Variants in LARGE1 observed in about 807,000 individuals in gnomAD.
LARGE1 encodes LARGE xylosyl- and glucuronyltransferase 1, also known as xylosyl- and glucuronyltransferase LARGE1.
LARGE1 carries 43 observed loss-of-function variants against 87.6 expected under a neutral mutation model. That is an observed-to-expected ratio of 0.49 (90% CI 0.38 to 0.63). The LOEUF is 0.63. Among genes scored for constraint, LARGE1 ranks in the 30% least tolerant of loss-of-function variants. LARGE1 has a pLI of 0.00. For synonymous variants in LARGE1, 434 were observed against 394.6 expected, an observed-to-expected ratio of 1.10 and a Z score of -1.18; for missense variants, 802 against 1,000.2, an observed-to-expected ratio of 0.80 and a Z score of 2.67.
At chr22:33,456,442 G>A (rs1222089658) in intron 6 of LARGE1, among the ~76,000 whole-genome samples, 8 of 152,180 alleles carry the variant, frequency 5.3e-5, no homozygotes, top group Non-Finnish European at 7.3e-5. Flanking sequence ...AACAGTTTTC[G>A]AAACAAAGTT....
intron 2 of LARGE1, among the ~76,000 whole-genome samples, chr22:33,748,692 A>G (rs1415321082): frequency 6.6e-6 from 1 of 152,116 alleles, no homozygotes; most frequent in African/African-American, 2.4e-5. Context: ...AAGTGATTAA[A>G]CTCTGCATCA....
At chr22:33,634,884 TTTG>T (rs1684410076) in intron 3 of LARGE1, among the ~76,000 whole-genome samples, 1 of 151,830 alleles carries the variant, frequency 6.6e-6, no homozygotes. Context: ...ATCCCAGCAC[TTTG>T]GGAGGCTGAG....
At chr22:33,468,206 GTC>G (rs2068694273) in intron 6 of LARGE1, among the ~76,000 whole-genome samples, 1 of 152,144 alleles carries the variant, frequency 6.6e-6, no homozygotes, top group Non-Finnish European at 1.5e-5. Context: ...CCAAATCAAT[GTC>G]TCTGCACAAT....
Position 33,743,652 on chromosome 22 carries a change from A to G in LARGE1, c.106+17719T>C, listed in dbSNP as rs997574160. 4.6e-5 allele frequency among the ~76,000 whole-genome samples: 7 copies of G among 152,200 alleles called. No homozygotes were observed. In the East Asian group the frequency reaches 7.7e-4, roughly 17 times the overall value. On this transcript the variant is annotated intron_variant, in intron 2 of 14. Transcript: ENST00000397394. ...GTCCACCATAGATCATTCTCTATAT[A>G]GAAGCCAGGCTTATTATTGCTCTTC...
At chr22:33,779,950 G>T (rs1241420271) in intron 1 of LARGE1, among the ~76,000 whole-genome samples, 1 of 152,108 alleles carries the variant, frequency 6.6e-6, no homozygotes, top group Admixed American at 6.6e-5. Flanking sequence ...TACAAATTGG[G>T]TGGCTTAAAC....
intron 12 of LARGE1, among the ~76,000 whole-genome samples, chr22:33,293,517 G>C (rs1248660404): frequency 6.6e-6 from 1 of 152,218 alleles, no homozygotes; most frequent in Non-Finnish European, 1.5e-5. Context: ...TTGGGACCAA[G>C]TCTGTTAATG....
At chr22:33,320,514 T>C (rs990843871) in intron 10 of LARGE1, among the ~76,000 whole-genome samples, 1 of 152,198 alleles carries the variant, frequency 6.6e-6, no homozygotes, top group Non-Finnish European at 1.5e-5. Flanking sequence ...TAACGGCAAC[T>C]TTCCCGGTGA....
At chr22:33,859,322 G>A (rs1409429123) in intron 1 of LARGE1, among the ~76,000 whole-genome samples, 1 of 152,094 alleles carries the variant, frequency 6.6e-6, no homozygotes, top group Admixed American at 6.5e-5. Context: ...TTTAAAATAT[G>A]GAAACAAACG....
intron 1 of LARGE1, among the ~76,000 whole-genome samples, chr22:33,852,149 T>G (rs1024551383): frequency 1.2e-4 from 19 of 152,186 alleles, no homozygotes; most frequent in African/African-American, 4.6e-4. Context: ...CGACAACTTG[T>G]TCCACAAGTC....
chr22:33,442,596 A>T (rs1187928887), intron 6 of LARGE1, among the ~76,000 whole-genome samples: 1 of 152,180 alleles, frequency 6.6e-6, no homozygotes, highest in East Asian at 1.9e-4. Flanking sequence ...GCTGCCTTCC[A>T]ACCTGATTGG....
At chr22:33,100,840 A>ATT in the LARGE1 span, among the ~76,000 whole-genome samples, 223 of 137,254 alleles carry the variant, frequency 1.6e-3, 1 homozygote, top group East Asian at 4.8e-3. Flanking sequence ...ATTAACTTCT[A>ATT]TTTTTTTTTT....
the LARGE1 span, among the ~76,000 whole-genome samples, chr22:33,094,597 C>CTT: frequency 9.2e-4 from 135 of 147,440 alleles, no homozygotes; most frequent in African/African-American, 3.1e-3. Context: ...TTCTTTCTTT[C>CTT]TTTTTTTTTT....
chr22:33,166,506 A>G (rs1214824810), exon 12 of LARGE1: 4 of 329,996 alleles, frequency 1.2e-5, no homozygotes, highest in African/African-American at 2.2e-5. Context: ...TACCACTTCA[A>G]TGTTACCACG....
intron 1 of LARGE1, among the ~76,000 whole-genome samples, chr22:33,878,818 T>C (rs1044897291): frequency 3.3e-5 from 5 of 152,318 alleles, no homozygotes; most frequent in Admixed American, 3.3e-4. Flanking sequence ...CACCGATGGA[T>C]GCTGTGTTTA....
At chr22:33,788,046 T>C (rs1405392649) in intron 1 of LARGE1, among the ~76,000 whole-genome samples, 2 of 152,288 alleles carry the variant, frequency 1.3e-5, no homozygotes, top group East Asian at 3.9e-4. Flanking sequence ...TCCAGCTGGT[T>C]CTCAGCTATG....
chr22:33,758,890 CTTAAAG>C (rs2084619669), intron 2 of LARGE1, among the ~76,000 whole-genome samples: 2 of 152,288 alleles, frequency 1.3e-5, no homozygotes, highest in Admixed American at 1.3e-4. Context: ...AGGCACAGGG[CTTAAAG>C]TTAACAAAAA....
At chr22:33,663,844 TG>T (rs1259443757) in intron 2 of LARGE1, among the ~76,000 whole-genome samples, 2 of 152,238 alleles carry the variant, frequency 1.3e-5, no homozygotes, top group Non-Finnish European at 2.9e-5. Flanking sequence ...GGCTGGCAGT[TG>T]GAATAAGCAT....
chr22:33,471,977 G>A (rs766009630), intron 6 of LARGE1, among the ~76,000 whole-genome samples: 1 of 152,128 alleles, frequency 6.6e-6, no homozygotes, highest in African/African-American at 2.4e-5. Context: ...TTGAACCCGG[G>A]AGGTGGAGGT....
intron 7 of LARGE1, among the ~76,000 whole-genome samples, chr22:33,420,529 T>C (rs996558342): frequency 6.6e-6 from 1 of 152,144 alleles, no homozygotes; most frequent in Non-Finnish European, 1.5e-5. Flanking sequence ...AATAGGTGTG[T>C]TCAAAGAGCA....
Sources: allele counts gnomAD v4.1 joint callset (sites outside exome capture counted in the v4.1 genomes callset), GRCh38; gene constraint gnomAD v4.1.1; transcripts MANE v1.5; gene names NCBI Gene and HGNC (gene_info 2026-07-23, HGNC 2026-07-21).